Variants in IFT56 observed in about 807,000 individuals in gnomAD.
IFT56 encodes intraflagellar transport 56.
At chr7:139,185,397 C>T in the IFT56 span, among the ~76,000 whole-genome samples, 4 of 151,942 alleles carry the variant, frequency 2.6e-5, no homozygotes, top group South Asian at 2.1e-4. Context: ...GTACACATGA[C>T]CTCTGTCCTA....
the IFT56 span, among the ~76,000 whole-genome samples, chr7:139,156,630 A>C: frequency 6.6e-6 from 1 of 152,088 alleles, no homozygotes; most frequent in Non-Finnish European, 1.5e-5. Flanking sequence ...TTAAGTCCAT[A>C]TTCTACATGG....
chr7:139,157,734 G>A, the IFT56 span, among the ~76,000 whole-genome samples: 1 of 152,126 alleles, frequency 6.6e-6, no homozygotes, highest in African/African-American at 2.4e-5. Flanking sequence ...TTGAACTCCT[G>A]GGCTCAAGCG....
At chr7:139,143,517 A>G in the IFT56 span, among the ~76,000 whole-genome samples, 1 of 151,832 alleles carries the variant, frequency 6.6e-6, no homozygotes, top group African/African-American at 2.4e-5. Context: ...GCATTTGCCT[A>G]TTATATCTCT....
At chr7:139,187,273 C>A in the IFT56 span, 1 of 1,092,502 alleles carries the variant, frequency 9.2e-7, no homozygotes, top group Non-Finnish European at 1.3e-6. Context: ...GTTTTTCTAA[C>A]TTGCTAACTG....
the IFT56 span, among the ~76,000 whole-genome samples, chr7:139,143,301 G>C: frequency 6.6e-6 from 1 of 152,038 alleles, no homozygotes; most frequent in Non-Finnish European, 1.5e-5. Flanking sequence ...CATCATAATT[G>C]TCACTTTGTC....
At chr7:139,168,969 G>T in the IFT56 span, among the ~76,000 whole-genome samples, 1 of 152,126 alleles carries the variant, frequency 6.6e-6, no homozygotes, top group Non-Finnish European at 1.5e-5. Flanking sequence ...AATACTCCTT[G>T]TTATATCTAC....
chr7:139,178,105 A>C, the IFT56 span: 1 of 756,996 alleles, frequency 1.3e-6, no homozygotes, highest in East Asian at 2.7e-5. Flanking sequence ...ATCTAGAAAG[A>C]TATTTTGGAA....
At chr7:139,173,094 G>A in the IFT56 span, 7 of 727,170 alleles carry the variant, frequency 9.6e-6, no homozygotes, top group South Asian at 6.0e-5. Flanking sequence ...GTTCACTAAT[G>A]GTTGGCTGAC....
chr7:139,139,105 C>T, the IFT56 span, among the ~76,000 whole-genome samples: 3 of 152,198 alleles, frequency 2.0e-5, no homozygotes, highest in Non-Finnish European at 4.4e-5. Flanking sequence ...AGCCACTGCG[C>T]CCAGCCACAT....
the IFT56 span, among the ~76,000 whole-genome samples, chr7:139,164,610 A>G: frequency 1.3e-5 from 2 of 152,212 alleles, no homozygotes; most frequent in African/African-American, 4.8e-5. Flanking sequence ...GGTCATATGC[A>G]TCAATAGAGC....
the IFT56 span, among the ~76,000 whole-genome samples, chr7:139,149,091 G>A: frequency 6.6e-6 from 1 of 151,618 alleles, no homozygotes; most frequent in Non-Finnish European, 1.5e-5. Flanking sequence ...GGATCACAAG[G>A]TCAGGAGATC....
the IFT56 span, among the ~76,000 whole-genome samples, chr7:139,137,672 C>G: frequency 6.6e-6 from 1 of 152,300 alleles, no homozygotes; most frequent in African/African-American, 2.4e-5. Context: ...ATATAAATTT[C>G]TGTGACAATT....
chr7:139,184,226 G>A, the IFT56 span, among the ~76,000 whole-genome samples: 12 of 152,234 alleles, frequency 7.9e-5, no homozygotes, highest in South Asian at 2.1e-4. Context: ...TAATAGGGCC[G>A]TTCTACTCTC....
chr7:139,142,372 C>A, the IFT56 span: 1 of 1,323,694 alleles, frequency 7.6e-7, no homozygotes, highest in Non-Finnish European at 1.1e-6. Context: ...CTTCTTGTTA[C>A]TAACACTAGT....
At chr7:139,158,305 C>T in the IFT56 span, among the ~76,000 whole-genome samples, 7 of 91,380 alleles carry the variant, frequency 7.7e-5, no homozygotes, top group South Asian at 4.3e-4. Context: ...CAGAGCTAGA[C>T]GCCATCTCAA....
At chr7:139,183,304 G>A in the IFT56 span, among the ~76,000 whole-genome samples, 1 of 152,162 alleles carries the variant, frequency 6.6e-6, no homozygotes, top group Non-Finnish European at 1.5e-5. Context: ...ACTAGAAGGA[G>A]TCATACGACT....
At chr7:139,189,400 A>G in the IFT56 span, 5 of 1,613,368 alleles carry the variant, frequency 3.1e-6, no homozygotes, top group Non-Finnish European at 4.2e-6. Context: ...GATCATGAAG[A>G]AATGGGCCAA....
chr7:139,157,187 C>T, the IFT56 span, among the ~76,000 whole-genome samples: 3 of 92,406 alleles, frequency 3.2e-5, no homozygotes, highest in Admixed American at 3.0e-4. Flanking sequence ...GCTCTTGTTG[C>T]CCAGGCTGGA....
chr7:139,188,691 A>G, the IFT56 span, among the ~76,000 whole-genome samples: 1 of 152,254 alleles, frequency 6.6e-6, no homozygotes, highest in Non-Finnish European at 1.5e-5. Flanking sequence ...TGCTAGGGCA[A>G]TAAGGAAATT....
Sources: allele counts gnomAD v4.1 joint callset (sites outside exome capture counted in the v4.1 genomes callset), GRCh38; gene constraint gnomAD v4.1.1; transcripts MANE v1.5; gene names NCBI Gene and HGNC (gene_info 2026-07-23, HGNC 2026-07-21).